SAMD12: variants seen among roughly 807,000 people sequenced by gnomAD.
SAMD12 encodes the protein sterile alpha motif domain containing 12.
SAMD12 carries 9 observed loss-of-function variants against 15.0 expected under a neutral mutation model. The observed-to-expected ratio is 0.60, with a 90% CI of 0.36 to 1.05. The LOEUF is 1.05. Ranked by LOEUF, SAMD12 falls within the 50% of genes least tolerant of loss-of-function variation. The pLI is 0.01. For missense variants in SAMD12, 230 were observed against 234.2 expected, an observed-to-expected ratio of 0.98 and a Z score of 0.12; for synonymous variants, 86 against 90.1, an observed-to-expected ratio of 0.96 and a Z score of 0.25.
intron 4 of SAMD12, among the ~76,000 whole-genome samples, chr8:118,228,826 A>T (rs1401986100): frequency 6.6e-6 from 1 of 152,230 alleles, no homozygotes; most frequent in Non-Finnish European, 1.5e-5. Flanking sequence ...TTCGAAAAAG[A>T]TACTTGCATA....
chr8:118,550,819 A>C (rs1349456474), intron 2 of SAMD12, among the ~76,000 whole-genome samples: 3 of 151,574 alleles, frequency 2.0e-5, no homozygotes, highest in Non-Finnish European at 2.9e-5. Context: ...GCTTAAAATA[A>C]AAGGATGGAG....
intron 4 of SAMD12, among the ~76,000 whole-genome samples, chr8:118,254,265 C>T (rs561210343): frequency 2.5e-4 from 38 of 152,244 alleles, no homozygotes; most frequent in African/African-American, 8.4e-4. Context: ...CTGCAGTGAA[C>T]GTTTCCACCC....
intron 4 of SAMD12, among the ~76,000 whole-genome samples, chr8:118,206,529 A>G (rs1258762459): frequency 6.6e-6 from 1 of 152,204 alleles, no homozygotes; most frequent in African/African-American, 2.4e-5. Flanking sequence ...CAATCAAACA[A>G]CATGTATTGT....
At chr8:118,221,980 T>G (rs1342800274) in intron 4 of SAMD12, among the ~76,000 whole-genome samples, 2 of 152,162 alleles carry the variant, frequency 1.3e-5, no homozygotes, top group Non-Finnish European at 2.9e-5. Flanking sequence ...GGTGAATGAG[T>G]TAAACTACTG....
chr8:118,578,440 A>G (rs1827204805), intron 2 of SAMD12, among the ~76,000 whole-genome samples: 1 of 152,150 alleles, frequency 6.6e-6, no homozygotes, highest in South Asian at 2.1e-4. Context: ...TCATCCAGAA[A>G]AGCTGTACCA....
At chr8:118,491,615 C>A (rs1824442395) in intron 2 of SAMD12, among the ~76,000 whole-genome samples, 1 of 152,088 alleles carries the variant, frequency 6.6e-6, no homozygotes, top group South Asian at 2.1e-4. Flanking sequence ...CAATCCCTAC[C>A]CCTCAGAGTA....
At chr8:118,535,890 A>AC (rs1183171939) in intron 2 of SAMD12, among the ~76,000 whole-genome samples, 1 of 152,164 alleles carries the variant, frequency 6.6e-6, no homozygotes, top group African/African-American at 2.4e-5. Context: ...GACCCCTTGC[A>AC]CTTCCCGGGT....
intron 4 of SAMD12, among the ~76,000 whole-genome samples, chr8:118,311,915 T>C (rs569204676): frequency 7.9e-5 from 12 of 152,330 alleles, no homozygotes; most frequent in African/African-American, 2.6e-4. Flanking sequence ...TTTTATATTT[T>C]ACTATGACCT....
At chr8:118,291,930 T>C (rs909633816) in intron 4 of SAMD12, among the ~76,000 whole-genome samples, 1 of 151,408 alleles carries the variant, frequency 6.6e-6, no homozygotes, top group Non-Finnish European at 1.5e-5. Context: ...AGCATGCTCC[T>C]GTTTCACCTG....
intron 3 of SAMD12, among the ~76,000 whole-genome samples, chr8:118,388,926 T>C (rs1345912051): frequency 1.3e-5 from 2 of 152,108 alleles, no homozygotes; most frequent in African/African-American, 2.4e-5. Context: ...AGAACATTAT[T>C]TGGTTTCTCA....
the SAMD12 span, among the ~76,000 whole-genome samples, chr8:118,160,560 A>G: frequency 6.6e-6 from 1 of 152,240 alleles, no homozygotes; most frequent in Non-Finnish European, 1.5e-5. Flanking sequence ...ACATATGGTC[A>G]ACTGATTTTC....
chr8:118,319,098 G>C (rs768655860), intron 4 of SAMD12, among the ~76,000 whole-genome samples: 4 of 152,086 alleles, frequency 2.6e-5, no homozygotes, highest in Non-Finnish European at 5.9e-5. Context: ...AGCATTGCTG[G>C]AATACTATGA....
intron 2 of SAMD12, among the ~76,000 whole-genome samples, chr8:118,565,369 C>T (rs1473390146): frequency 1.3e-5 from 2 of 152,162 alleles, no homozygotes; most frequent in Non-Finnish European, 2.9e-5. Flanking sequence ...TGTGCCATTA[C>T]CCTTCAAACT....
At chr8:118,287,615 C>T (rs1043843351) in intron 4 of SAMD12, among the ~76,000 whole-genome samples, 1 of 152,094 alleles carries the variant, frequency 6.6e-6, no homozygotes, top group Admixed American at 6.6e-5. Context: ...GGTTTTTACT[C>T]ACCTGTATAA....
chr8:118,614,767 T>G (rs1828200012), intron 1 of SAMD12, among the ~76,000 whole-genome samples: 1 of 152,236 alleles, frequency 6.6e-6, no homozygotes, highest in South Asian at 2.1e-4. Context: ...ACCCAACAGC[T>G]GCTGTCCTGT....
At chr8:118,362,116 G>C (rs1202662658) in intron 4 of SAMD12, among the ~76,000 whole-genome samples, 1 of 152,022 alleles carries the variant, frequency 6.6e-6, no homozygotes, top group Admixed American at 6.6e-5. Flanking sequence ...GATGAAGGGA[G>C]GGACAGTGAA....
intron 4 of SAMD12, among the ~76,000 whole-genome samples, chr8:118,233,879 G>A (rs1039656137): frequency 1.3e-5 from 2 of 152,128 alleles, no homozygotes; most frequent in Non-Finnish European, 2.9e-5. Context: ...GGTCTCTGAC[G>A]AGTCCAAAGG....
Position 118,580,856 on chromosome 8 carries a change from G to T in SAMD12, c.51C>A (p.His17Gln). The T allele has an allele frequency of 6.2e-7, 1 of 1,613,048 alleles. No homozygotes were observed. Among genetic ancestry groups the T allele is most frequent in the Non-Finnish European group, 8.5e-7 (1 of 1,179,366 alleles). The change falls in exon 2 of 4, where the codon CAC becomes CAA. Residue 17 changes from histidine to glutamine, a missense_variant. Physicochemically the swap from His to Gln is conservative, Grantham distance 24 (BLOSUM62 0). Transcript: ENST00000314727. The stretch of plus-strand genomic sequence containing the variant: ...GTTTAATACCTTCAGCATGGGCAGG[G>T]TGATCAATACCCCGTGGATTCAAAC... ...HCGLNPRGID[H>Q]PAHAEGIKLQ...
chr8:118,585,525 T>C (rs951499886), intron 1 of SAMD12, among the ~76,000 whole-genome samples: 1 of 152,044 alleles, frequency 6.6e-6, no homozygotes, highest in African/African-American at 2.4e-5. Context: ...AATACCTCCA[T>C]AAATGGAAAG....
Sources: allele counts gnomAD v4.1 joint callset (sites outside exome capture counted in the v4.1 genomes callset), GRCh38; gene constraint gnomAD v4.1.1; transcripts MANE v1.5; gene names NCBI Gene and HGNC (gene_info 2026-07-23, HGNC 2026-07-21).